The following CHDH variants were observed in gnomAD, a reference collection of about 807,000 sequenced individuals.
CHDH encodes the protein choline dehydrogenase, also known as choline dehydrogenase, mitochondrial.
In CHDH, 43 loss-of-function variants were observed where a neutral mutation model predicts 56.9. The ratio of observed to expected loss-of-function variants is 0.76; its 90% CI spans 0.59 to 0.97. CHDH has a LOEUF of 0.97. CHDH is among the 50% of genes least tolerant of loss of function. CHDH has a pLI of 0.00. For missense variants in CHDH, 816 were observed against 821.1 expected (o/e 0.99, Z 0.08); for synonymous variants, 364 against 348.5 (o/e 1.04, Z -0.50).
chr3:53,825,150 T>C (rs72982054), intron 2 of CHDH, among the ~76,000 whole-genome samples: 2 of 152,188 alleles, frequency 1.3e-5, no homozygotes, highest in African/African-American at 4.8e-5. Flanking sequence ...CCCAACAGAA[T>C]GAAAGACAGG....
At chr3:53,840,431 G>A (rs1377790333) in intron 2 of CHDH, among the ~76,000 whole-genome samples, 1 of 152,106 alleles carries the variant, frequency 6.6e-6, no homozygotes, top group Admixed American at 6.5e-5. Context: ...AGAAGGCTGA[G>A]GTGGGAGGAT....
At chr3:53,832,056 G>A (rs1389109060) in intron 2 of CHDH, among the ~76,000 whole-genome samples, 1 of 152,080 alleles carries the variant, frequency 6.6e-6, no homozygotes, top group Non-Finnish European at 1.5e-5. Flanking sequence ...TGCAAATTCT[G>A]TAGAAGACAG....
At chr3:53,824,778 G>A (rs952656621) in intron 2 of CHDH, among the ~76,000 whole-genome samples, 4 of 152,162 alleles carry the variant, frequency 2.6e-5, no homozygotes, top group African/African-American at 9.7e-5. Flanking sequence ...CCAGCATAGT[G>A]CACAGAGGTA....
In CHDH at chr3:53,818,130, G is replaced by A; in HGVS notation, c.1432C>T (p.Leu478=). 1 of 1,613,862 alleles carries A rather than the reference G, an allele frequency of 6.2e-7. No individual in the cohort carries two copies. Among genetic ancestry groups the A allele is most frequent in the Non-Finnish European group, 8.5e-7 (1 of 1,179,950 alleles). Reference sequence around the variant, plus strand: ...AGCTCTTTCCCTCGGAACGGAGCCAGGGCTTCCTGTGCAAAAATTTCTCTG... The same window carrying A: ...AGCTCTTTCCCTCGGAACGGAGCCAAGGCTTCCTGTGCAAAAATTTCTCTG... The part of the protein sequence containing the change: ...LTREIFAQEA[L]APFRGKELQP... Residue 478 remains leucine, a synonymous_variant, in exon 9 of 9, where the codon CTG becomes TTG. Coordinates refer to ENST00000315251, the MANE Select transcript of CHDH (RefSeq NM_018397.5).
intron 4 of CHDH, 50 bp from the exon 5 acceptor site, chr3:53,821,826 G>A: frequency 6.2e-7 from 1 of 1,604,682 alleles, no homozygotes; most frequent in South Asian, 1.1e-5. Flanking sequence ...CTGTTCTCCT[G>A]ACTCACAGAC....
In CHDH at chr3:53,846,365, C is replaced by G. The variant is rs1281989067; in HGVS notation, c.-413G>C. 6.4e-6 allele frequency: 3 copies of G among 468,976 alleles called. No homozygotes were observed. Among genetic ancestry groups the G allele is most frequent in the South Asian group, 4.0e-5 (1 of 25,242 alleles). 29.1% of individuals were successfully genotyped at this position (468,976 alleles called of 1,614,324 possible). ...GGGGGTAGGCGCGCGCCGCGGCGGC[C>G]CGTGCTCCGCCAGCGCTCGGACACG... On this transcript the variant is annotated 5_prime_UTR_variant, in exon 1 of 9. Transcript: ENST00000315251.
intron 2 of CHDH, among the ~76,000 whole-genome samples, chr3:53,824,537 T>G (rs1378052297): frequency 1.3e-5 from 2 of 152,128 alleles, no homozygotes; most frequent in Non-Finnish European, 2.9e-5. Flanking sequence ...GTTTAGGGCC[T>G]GGGAAAAGGA....
In CHDH at chr3:53,823,870, C is replaced by T. The variant is rs765429020; in HGVS notation, c.139G>A (p.Gly47Ser). The T allele has an allele frequency of 1.9e-6, 3 of 1,591,886 alleles. No homozygotes were observed. Among genetic ancestry groups the T allele is most frequent in the African/African-American group, 1.3e-5 (1 of 74,776 alleles). The change falls in exon 3 of 9, where the codon GGC (glycine) becomes AGC (serine). Residue 47 changes from glycine to serine, a missense_variant. Transcript: ENST00000315251. ...SRDEYSYVVV[G>S]AGSAGCVLAG... is the part of the protein sequence containing the mutation. ...AGCACGCAGCCCGCCGAGCCCGCGC[C>T]CACCACCACATAGCTGTACTCGTCC...
intron 1 of CHDH, among the ~76,000 whole-genome samples, chr3:53,842,534 T>C (rs1331837169): frequency 1.3e-5 from 2 of 152,076 alleles, no homozygotes; most frequent in South Asian, 4.1e-4. Flanking sequence ...ATAACAACAA[T>C]GTAAAAATCA....
chr3:53,818,107 C>T lies in CHDH; in HGVS notation c.1455G>A (p.Glu485=). Residue 485 remains glutamate (E), a synonymous_variant, in exon 9 of 9, where the codon GAG becomes GAA. Transcript: ENST00000315251. ...ACTGAATGTGGCTTCCTGGCTGGAG[C>T]TCTTTCCCTCGGAACGGAGCCAGGG... ...QEALAPFRGK[E]LQPGSHIQSD... is the part of the protein sequence containing the mutation. 1 of 1,614,062 alleles carries T rather than the reference C, an allele frequency of 6.2e-7. No homozygotes were observed.
intron 4 of CHDH, 89 bp downstream of exon 4, chr3:53,822,402 T>A (rs1576781825): frequency 4.0e-6 from 5 of 1,257,296 alleles, no homozygotes; most frequent in Non-Finnish European, 5.6e-6. Context: ...GGTCTGGGGG[T>A]GAGGGCGTGA....
intron 2 of CHDH, among the ~76,000 whole-genome samples, chr3:53,835,201 C>T (rs1472442682): frequency 6.6e-6 from 1 of 152,236 alleles, no homozygotes; most frequent in African/African-American, 2.4e-5. Flanking sequence ...CAACCTAACA[C>T]TCCCCTAATA....
intron 2 of CHDH, among the ~76,000 whole-genome samples, chr3:53,837,022 C>A (rs1388110883): frequency 6.6e-6 from 1 of 151,796 alleles, no homozygotes; most frequent in Non-Finnish European, 1.5e-5. Flanking sequence ...GAAATTTTTT[C>A]TAAAAAAAAA....
chr3:53,820,644 C>A, intron 5 of CHDH, 36 bp from the exon 6 acceptor site: 1 of 1,592,230 alleles, frequency 6.3e-7, no homozygotes, highest in Non-Finnish European at 8.5e-7. Flanking sequence ...AAATGGCTAC[C>A]AAGGGGGCTC....
In CHDH at chr3:53,821,672, G is replaced by A. The variant is rs1297494655; in HGVS notation, c.960C>T (p.Gly320=). Residue 320 remains glycine (G), a synonymous_variant, in exon 5 of 9, where the codon GGC becomes GGT. Transcript: ENST00000315251. ...CAGGTAGGTGGCACACCACAGGGATGCCCAGTTTCTTGAGGTCATCAGCAT... is the reference window on the plus strand; with the variant it reads ...CAGGTAGGTGGCACACCACAGGGATACCCAGTTTCTTGAGGTCATCAGCAT... ...IGNADDLKKL[G]IPVVCHLPGV... The A allele has an allele frequency of 6.2e-7, 1 of 1,613,946 alleles. No individual in the cohort carries two copies. Among genetic ancestry groups the A allele is most frequent in the Non-Finnish European group, 8.5e-7 (1 of 1,179,842 alleles).
At chr3:53,821,310 C>T (rs1449838599) in intron 5 of CHDH, among the ~76,000 whole-genome samples, 1 of 148,526 alleles carries the variant, frequency 6.7e-6, no homozygotes, top group Non-Finnish European at 1.5e-5. Flanking sequence ...GATGGAAGGA[C>T]GAGGCCTGGA....
intron 2 of CHDH, among the ~76,000 whole-genome samples, chr3:53,830,021 T>C (rs1698284723): frequency 1.3e-5 from 2 of 152,074 alleles, no homozygotes; most frequent in African/African-American, 4.8e-5. Flanking sequence ...ACATACTTAG[T>C]AATAAACTTA....
chr3:53,845,829 C>T (rs972952402), intron 1 of CHDH, among the ~76,000 whole-genome samples: 9 of 152,272 alleles, frequency 5.9e-5, no homozygotes, highest in Non-Finnish European at 1.5e-5. Context: ...TACCAGAAAG[C>T]CTGGGGTCGG....
intron 1 of CHDH, among the ~76,000 whole-genome samples, chr3:53,843,708 G>T (rs13321117): frequency 0.09 from 13,753 of 152,096 alleles, 2,066 homozygotes; most frequent in African/African-American, 0.32. Flanking sequence ...AGGCACACTG[G>T]CTGGTAGCTC....
Sources: gnomAD v4.1 joint callset for allele counts (sites outside exome capture counted in the v4.1 genomes callset) on GRCh38, gnomAD v4.1.1 for gene constraint, MANE v1.5 for transcripts, NCBI Gene and HGNC (gene_info 2026-07-23, HGNC 2026-07-21) for gene names.